NRP1: variants seen among roughly 807,000 people sequenced by gnomAD.
NRP1 encodes the protein neuropilin-1.
Under a neutral mutation model 106.7 loss-of-function variants are expected in NRP1, and 35 were observed. That is an observed-to-expected ratio of 0.33 (90% CI 0.25 to 0.43). The LOEUF (loss-of-function observed/expected upper bound fraction) is 0.43. Ranked by LOEUF, NRP1 falls within the 20% of genes least tolerant of loss-of-function variation. NRP1 has a pLI of 1.00. For synonymous variants in NRP1, 437 were observed against 417.9 expected (o/e 1.05, Z -0.56); for missense variants, 1,024 against 1,170.4 (o/e 0.87, Z 1.83).
rs1330019086 is a variant in NRP1 at position 33,213,391 on chromosome 10, C to T, written c.1609G>A (p.Ala537Thr). 4 of 1,614,096 alleles carry T rather than the reference C, an allele frequency of 2.5e-6. No individual in the cohort carries two copies. The Admixed American group carries it at 6.7e-5, about 27-fold the overall frequency. The change falls in exon 9 of 17, where the codon GCG becomes ACG. Residue 537 changes from alanine to threonine, a missense_variant. Transcript: ENST00000374867. Reference sequence around the variant, plus strand: ...TCCCAGTCCCCAGCCCTCACCTTCGCCTTGCGTTTGCTGTCATCCATGATC... The same window carrying T: ...TCCCAGTCCCCAGCCCTCACCTTCGTCTTGCGTTTGCTGTCATCCATGATC... Reference protein sequence around the residue: ...KMIMDDSKRKAKSFEGNNNYD... With the variant: ...KMIMDDSKRKTKSFEGNNNYD...
At chr10:33,274,929 T>C (rs1051544366) in intron 2 of NRP1, among the ~76,000 whole-genome samples, 1 of 152,184 alleles carries the variant, frequency 6.6e-6, no homozygotes, top group African/African-American at 2.4e-5. Context: ...GCACGAGCAT[T>C]AATAGCTATT....
chr10:33,307,952 C>A (rs2132755364), intron 2 of NRP1, among the ~76,000 whole-genome samples: 1 of 152,206 alleles, frequency 6.6e-6, no homozygotes, highest in South Asian at 2.1e-4. Flanking sequence ...ATAGCAAATA[C>A]ATGGAATCAA....
chr10:33,228,441 G>C (rs1359211038), intron 6 of NRP1, among the ~76,000 whole-genome samples: 2 of 152,082 alleles, frequency 1.3e-5, no homozygotes, highest in African/African-American at 4.8e-5. Context: ...CCCAACTTTT[G>C]AATTTTGCTT....
At chr10:33,220,900 CAAAAAAAAAAA>C (rs35895871) in intron 8 of NRP1, among the ~76,000 whole-genome samples, 2 of 60,680 alleles carry the variant, frequency 3.3e-5, no homozygotes, top group South Asian at 7.2e-4. Context: ...GGCTCAGTCT[CAAAAAAAAAAA>C]AAAAAAAAAA....
At chr10:33,192,478 AG>A in intron 12 of NRP1, 60 bp from the exon 13 acceptor site, 1 of 1,565,100 alleles carries the variant, frequency 6.4e-7, no homozygotes, top group South Asian at 1.1e-5. Flanking sequence ...TTGATCATTT[AG>A]GGTCACAAAG....
intron 6 of NRP1, among the ~76,000 whole-genome samples, chr10:33,228,528 A>T (rs528269642): frequency 4.6e-5 from 7 of 152,352 alleles, no homozygotes; most frequent in African/African-American, 1.7e-4. Context: ...GGCCACGAAC[A>T]CTTAAAGAAT....
intron 6 of NRP1, among the ~76,000 whole-genome samples, chr10:33,240,466 C>G (rs554546931): frequency 6.6e-6 from 1 of 152,286 alleles, no homozygotes; most frequent in East Asian, 1.9e-4. Context: ...TTAATCATGG[C>G]TTTAATTTGT....
At chr10:33,182,841 A>G (rs1835772163) in intron 15 of NRP1, 93 bp from the exon 16 acceptor site, 6 of 789,250 alleles carry the variant, frequency 7.6e-6, no homozygotes, top group South Asian at 4.4e-5. Flanking sequence ...ATGCACACAC[A>G]CACACACACA....
intron 8 of NRP1, among the ~76,000 whole-genome samples, 180 bp downstream of exon 8, chr10:33,221,539 G>A (rs1839239733): frequency 6.6e-6 from 1 of 152,182 alleles, no homozygotes; most frequent in Admixed American, 6.5e-5. Context: ...AAATCTGCTA[G>A]TGAGTAGTAA....
intron 6 of NRP1, among the ~76,000 whole-genome samples, chr10:33,226,594 T>C (rs1839691312): frequency 6.6e-6 from 1 of 152,216 alleles, no homozygotes; most frequent in Non-Finnish European, 1.5e-5. Context: ...TAGGACAGTG[T>C]GAGGGTCAGA....
intron 6 of NRP1, among the ~76,000 whole-genome samples, chr10:33,240,045 A>T (rs1305718086): frequency 6.6e-6 from 1 of 152,170 alleles, no homozygotes; most frequent in Admixed American, 6.5e-5. Flanking sequence ...ATGAATATAG[A>T]CTTCAGGCCT....
intron 15 of NRP1, among the ~76,000 whole-genome samples, chr10:33,183,216 G>A (rs1257203802): frequency 6.6e-6 from 1 of 152,118 alleles, no homozygotes; most frequent in Non-Finnish European, 1.5e-5. Context: ...TGAGGCGGAA[G>A]GAGAGCTTGT....
At chr10:33,257,889 C>T (rs1205092234) in intron 4 of NRP1, among the ~76,000 whole-genome samples, 2 of 151,816 alleles carry the variant, frequency 1.3e-5, no homozygotes, top group African/African-American at 4.8e-5. Flanking sequence ...TTTAGAAGGA[C>T]AATATGGTGT....
At chr10:33,213,171 C>A in intron 9 of NRP1, 1 of 1,321,132 alleles carries the variant, frequency 7.6e-7, no homozygotes, top group Non-Finnish European at 1.0e-6. Flanking sequence ...GGAATGGGAC[C>A]AGCAATGCAA....
intron 6 of NRP1, among the ~76,000 whole-genome samples, 194 bp downstream of exon 6, chr10:33,253,834 G>A (rs965528387): frequency 4.6e-5 from 7 of 152,162 alleles, no homozygotes; most frequent in Non-Finnish European, 1.0e-4. Flanking sequence ...ATCGTGTAGC[G>A]ATGGGCTCAT....
rs150168052 is a variant in NRP1, at chr10:33,228,127, T to C, written c.982-1838A>G. ...TTGCTCCATCAATTGTATGCCCAGC[T>C]TTAAACACAAGCTTAAAAAAAAGTC... On this transcript the variant is annotated intron_variant, in intron 6 of 16. Coordinates refer to ENST00000374867, the MANE Select transcript of NRP1 (RefSeq NM_003873.7). Among the ~76,000 whole-genome samples the C allele has an allele frequency of 2.6e-3, 360 of 139,630 alleles. 3 individuals are homozygous for C. Among genetic ancestry groups the C allele is most frequent in the African/African-American group, 8.4e-3 (318 of 37,724 alleles). 91.6% of individuals were successfully genotyped at this position (139,630 alleles called of 152,430 possible). A position where few individuals can be genotyped will look rare whatever the true frequency, so the allele number is the denominator to read the frequency against.
At chr10:33,186,599 C>G in intron 13 of NRP1, 111 bp from the exon 14 acceptor site, 1 of 1,271,812 alleles carries the variant, frequency 7.9e-7, no homozygotes, top group Non-Finnish European at 1.1e-6. Flanking sequence ...CACCAAGAAC[C>G]CAAATACGTA....
At chr10:33,207,180 G>A (rs1021949186) in intron 10 of NRP1, among the ~76,000 whole-genome samples, 1 of 152,186 alleles carries the variant, frequency 6.6e-6, no homozygotes, top group African/African-American at 2.4e-5. Flanking sequence ...TTACTTTGGA[G>A]TGATGGAAAT....
At chr10:33,186,867 T>C (rs937173997) in intron 13 of NRP1, among the ~76,000 whole-genome samples, 4 of 151,930 alleles carry the variant, frequency 2.6e-5, no homozygotes, top group Non-Finnish European at 5.9e-5. Context: ...CTTATTTATT[T>C]ATTTATTTAT....
Sources: allele counts gnomAD v4.1 joint callset (sites outside exome capture counted in the v4.1 genomes callset), GRCh38; gene constraint gnomAD v4.1.1; transcripts MANE v1.5; gene names NCBI Gene and HGNC (gene_info 2026-07-23, HGNC 2026-07-21).